Variants in ABCC8 observed in about 807,000 individuals in gnomAD.
ABCC8 encodes ATP-binding cassette sub-family C member 8.
In ABCC8, 137 loss-of-function variants were observed where a neutral mutation model predicts 188.0. The ratio of observed to expected loss-of-function variants is 0.73; its 90% CI spans 0.63 to 0.84. ABCC8 has a LOEUF of 0.84. Ranked by LOEUF, ABCC8 falls within the 40% of genes least tolerant of loss-of-function variation. The pLI is 0.00. For synonymous variants in ABCC8, 797 were observed against 846.5 expected, an observed-to-expected ratio of 0.94 and a Z score of 1.01; for missense variants, 1,750 against 2,072.7, an observed-to-expected ratio of 0.84 and a Z score of 3.02.
At chr11:17,407,804 T>C (rs1954616030) in intron 23 of ABCC8, among the ~76,000 whole-genome samples, 8 of 152,140 alleles carry the variant, frequency 5.3e-5, no homozygotes, top group Admixed American at 5.2e-4. Context: ...ATGACCAAAC[T>C]GGACCAGTGA....
In ABCC8 at chr11:17,463,615, G is replaced by C; in HGVS notation, c.413-11C>G. Reference sequence around the variant, plus strand: ...AATACACCAGCAGGGCTGCCGAGGAGAGATGGAAGATCGCAGAGACGTGTG... The same window carrying C: ...AATACACCAGCAGGGCTGCCGAGGACAGATGGAAGATCGCAGAGACGTGTG... On this transcript the variant is annotated splice_polypyrimidine_tract_variant and intron_variant, in intron 3 of 38. Coordinates refer to ENST00000389817, the MANE Select transcript of ABCC8 (RefSeq NM_000352.6). 1 of 1,566,776 alleles carries C rather than the reference G, an allele frequency of 6.4e-7. No individual in the cohort carries two copies. Among genetic ancestry groups the C allele is most frequent in the Non-Finnish European group, 8.7e-7 (1 of 1,155,244 alleles).
At chr11:17,395,420 C>A in intron 35 of ABCC8, 145 bp from the exon 36 acceptor site, 1 of 1,503,602 alleles carries the variant, frequency 6.7e-7, no homozygotes, top group Non-Finnish European at 8.9e-7. Context: ...GGGTGGGGGA[C>A]AGCATCTTAG....
intron 16 of ABCC8, among the ~76,000 whole-genome samples, chr11:17,423,338 C>G (rs958924946): frequency 8.5e-6 from 1 of 117,112 alleles, no homozygotes; most frequent in African/African-American, 3.5e-5. Flanking sequence ...GCCTGGGCAA[C>G]AGGGCGAGAC....
In ABCC8 at chr11:17,406,780, G is replaced by C. The variant is rs1251688793; in HGVS notation, c.3171C>G (p.Thr1057=). 1 of 1,614,108 alleles carries C rather than the reference G, an allele frequency of 6.2e-7. No individual in the cohort carries two copies. Among genetic ancestry groups the C allele is most frequent in the Non-Finnish European group, 8.5e-7 (1 of 1,180,050 alleles). ...ARNCSLSQEC[T]LDQTVYAMVF... ...CCATGGCATAGACAGTCTGGTCGAG[G>C]GTGCACTCCTTCACAGGCAGAGAGT... Residue 1057 remains threonine (T), a synonymous_variant, in exon 26 of 39, where the codon ACC becomes ACG. Coordinates refer to ENST00000389817, the MANE Select transcript of ABCC8 (RefSeq NM_000352.6).
chr11:17,434,195 C>T lies in ABCC8; in HGVS notation c.1631-1951G>A, dbSNP rs1955975874. Among the ~76,000 whole-genome samples the T allele has an allele frequency of 2.0e-5, 3 of 152,294 alleles. No homozygotes were observed. In the East Asian group the frequency reaches 5.8e-4, roughly 29 times the overall value. On this transcript the variant is annotated intron_variant, in intron 10 of 38. Transcript: ENST00000389817. ...TATTCTGCTCCTCCTGGCCCATCCCCATAAATAACCAATAAGGAGGGGTCC... is the reference window on the plus strand; with the variant it reads ...TATTCTGCTCCTCCTGGCCCATCCCTATAAATAACCAATAAGGAGGGGTCC...
intron 16 of ABCC8, among the ~76,000 whole-genome samples, chr11:17,423,575 T>C (rs1955449014): frequency 6.6e-6 from 1 of 152,086 alleles, no homozygotes; most frequent in South Asian, 2.1e-4. Context: ...AAAGGGAAGC[T>C]GGACCAGGAC....
At chr11:17,398,517 G>A (rs1954063221) in intron 29 of ABCC8, 76 bp from the exon 30 acceptor site, 1 of 1,593,188 alleles carries the variant, frequency 6.3e-7, no homozygotes, top group Non-Finnish European at 8.6e-7. Flanking sequence ...TACCTGCAGA[G>A]GGAGGCTCCA....
Position 17,396,896 on chromosome 11 carries a change from G to T in ABCC8, c.4119+20C>A. On this transcript the variant is annotated intron_variant, in intron 33 of 38. Coordinates refer to ENST00000389817, the MANE Select transcript of ABCC8 (RefSeq NM_000352.6). The stretch of plus-strand genomic sequence containing the variant: ...TGCTCACGCCTGTCCTGCAGCATTG[G>T]GTTGGGCCCGTGCTCTGACCTTCTG... 1 of 1,613,238 alleles carries T rather than the reference G, an allele frequency of 6.2e-7. No homozygotes were observed. Among genetic ancestry groups the T allele is most frequent in the Non-Finnish European group, 8.5e-7 (1 of 1,179,964 alleles).
At chr11:17,395,033 G>T in intron 36 of ABCC8, 139 bp downstream of exon 36, 2 of 1,129,624 alleles carry the variant, frequency 1.8e-6, no homozygotes, top group Non-Finnish European at 2.6e-6. Context: ...CCCCCGTATA[G>T]TGAGAAGTAG....
intron 3 of ABCC8, among the ~76,000 whole-genome samples, chr11:17,466,589 G>A (rs1848164209): frequency 6.6e-6 from 1 of 150,832 alleles, no homozygotes; most frequent in South Asian, 2.1e-4. Context: ...ATGGATAGTG[G>A]TGATGGCTAC....
At chr11:17,463,783 C>T (rs1847980832) in intron 3 of ABCC8, 179 bp from the exon 4 acceptor site, 2 of 246,120 alleles carry the variant, frequency 8.1e-6, no homozygotes, top group Non-Finnish European at 1.3e-5. Flanking sequence ...TAAGATGACG[C>T]ACGTACGTCT....
Position 17,442,592 on chromosome 11 carries a change from C to T in ABCC8, c.1630+128G>A, listed in dbSNP as rs977551307. The T allele has an allele frequency of 1.8e-5, 17 of 926,548 alleles. No homozygotes were observed. The East Asian group carries it at 2.2e-4, about 12-fold the overall frequency. The allele number at this position is 926,548 out of a possible 1,614,324, so 57.4% of individuals were successfully genotyped here. ...AGCTATCAGAGCCAGTTTGAGGCTC[C>T]CCTACTGAGTCGGATAATCTCAAGG... is the stretch of plus-strand genomic sequence containing the variant. On this transcript the variant is annotated intron_variant, in intron 10 of 38. Coordinates refer to ENST00000389817, the MANE Select transcript of ABCC8 (RefSeq NM_000352.6).
chr11:17,412,546 A>G, intron 21 of ABCC8, 120 bp downstream of exon 21: 1 of 1,360,054 alleles, frequency 7.4e-7, no homozygotes, highest in Admixed American at 2.0e-5. Flanking sequence ...CTCTGGCAGG[A>G]GGGATTTACT....
intron 17 of ABCC8, 48 bp from the exon 18 acceptor site, chr11:17,415,387 A>G: frequency 6.3e-7 from 1 of 1,597,442 alleles, no homozygotes. Flanking sequence ...GGAGTGAACC[A>G]TATCCTCCAG....
Position 17,414,531 on chromosome 11 carries a change from T to C in ABCC8, c.2371A>G (p.Ser791Gly), listed in dbSNP as rs780745751. 6.2e-7 allele frequency: 1 copy of C among 1,614,104 alleles called. No individual in the cohort carries two copies. Among genetic ancestry groups the C allele is most frequent in the African/African-American group, 1.3e-5 (1 of 74,928 alleles). ...ATVEENIIFE[S>G]PFNKQRYKMV... is the part of the protein sequence containing the mutation. ...TTTTACCGTTGTTTGTTGAAGGGACTCTCAAAGATGATGTTCTCCTCCACA... is the reference window on the plus strand; with the variant it reads ...TTTTACCGTTGTTTGTTGAAGGGACCCTCAAAGATGATGTTCTCCTCCACA... Residue 791 changes from serine to glycine, a missense_variant, in exon 19 of 39, where the codon AGT (serine) becomes GGT (glycine). Coordinates refer to ENST00000389817, the MANE Select transcript of ABCC8 (RefSeq NM_000352.6).
chr11:17,476,229 G>C (rs1428609654), intron 1 of ABCC8, among the ~76,000 whole-genome samples: 1 of 152,232 alleles, frequency 6.6e-6, no homozygotes, highest in Non-Finnish European at 1.5e-5. Context: ...AGCTGCGGCT[G>C]ACAGGGAGGC....
intron 1 of ABCC8, 131 bp from the exon 2 acceptor site, chr11:17,475,158 G>T: frequency 2.2e-6 from 3 of 1,383,592 alleles, no homozygotes; most frequent in Non-Finnish European, 3.0e-6. Context: ...GATCCCCAAG[G>T]CTGGTACACA....
chr11:17,408,788 TCACAAGGACTC>T (rs1376894121), intron 22 of ABCC8, among the ~76,000 whole-genome samples: 6 of 152,122 alleles, frequency 3.9e-5, no homozygotes, highest in Non-Finnish European at 7.4e-5. Flanking sequence ...GGCTGGTTAC[TCACAAGGACTC>T]CACCCACGGC....
chr11:17,455,027 A>G (rs986132454), intron 6 of ABCC8, among the ~76,000 whole-genome samples: 3 of 152,198 alleles, frequency 2.0e-5, no homozygotes, highest in African/African-American at 7.2e-5. Flanking sequence ...GCAGCTCTGG[A>G]GACTGGAGTC....
Sources: allele counts gnomAD v4.1 joint callset (sites outside exome capture counted in the v4.1 genomes callset), GRCh38; gene constraint gnomAD v4.1.1; transcripts MANE v1.5; gene names NCBI Gene and HGNC (gene_info 2026-07-23, HGNC 2026-07-21).